The following ADGRL2 variants were observed in gnomAD, a reference collection of about 807,000 sequenced individuals.
The protein encoded by ADGRL2 is calcium-independent alpha-latrotoxin receptor 2.
A neutral mutation model predicts 157.4 loss-of-function variants in ADGRL2; 44 were observed. The ratio of observed to expected loss-of-function variants is 0.28; its 90% confidence interval spans 0.22 to 0.36. The LOEUF (loss-of-function observed/expected upper bound fraction) is 0.36, where lower values mean the gene tolerates loss of function less well. Among genes scored for constraint, ADGRL2 ranks in the 10% least tolerant of loss-of-function variants. The probability of loss-of-function intolerance (pLI) is 1.00; values close to 1 mark genes in which losing one functional copy is unlikely to be tolerated. For missense variants in ADGRL2, 1,510 were observed against 1,768.9 expected, an observed-to-expected ratio of 0.85 and a Z score of 2.63; for synonymous variants, 585 against 624.7, an observed-to-expected ratio of 0.94 and a Z score of 0.95.
intron 3 of ADGRL2, among the ~76,000 whole-genome samples, chr1:81,935,608 G>A (rs1030106447): frequency 2.0e-5 from 3 of 151,746 alleles, no homozygotes; most frequent in African/African-American, 7.2e-5. Context: ...TTATACTTCA[G>A]TATTTTATGT....
chr1:81,667,688 TA>T (rs1375489135), intron 3 of ADGRL2, among the ~76,000 whole-genome samples: 2 of 152,130 alleles, frequency 1.3e-5, no homozygotes, highest in Admixed American at 1.3e-4. Flanking sequence ...AAAGTAGGCA[TA>T]AAAAATTAAA....
At position 81,966,414 on chromosome 1, in the gene ADGRL2, G is replaced by A. The variant is rs1279210773; in HGVS notation, c.2154G>A (p.Lys718=). The A allele has an allele frequency of 5.0e-6, 8 of 1,613,832 alleles. No individual in the cohort carries two copies. Among genetic ancestry groups the A allele is most frequent in the Non-Finnish European group, 6.8e-6 (8 of 1,179,946 alleles). Residue 718 remains lysine (K), a synonymous_variant, in exon 13 of 24, where the codon AAG becomes AAA. Coordinates refer to ENST00000686636, the MANE Select transcript of ADGRL2 (RefSeq NM_001366006.2). ...TTTTTACCTTCCTAGGGCTTGCAAA[G>A]TTGGTGTTCATCATTTACCGGAGCC... The part of the protein sequence containing the change: ...VKQNSRNGLA[K]LVFIIYRSLG...
At chr1:81,899,816 T>A (rs2094456245) in intron 2 of ADGRL2, among the ~76,000 whole-genome samples, 1 of 152,170 alleles carries the variant, frequency 6.6e-6, no homozygotes, top group African/African-American at 2.4e-5. Flanking sequence ...GATTTCTTTA[T>A]GTTGATTATG....
intron 3 of ADGRL2, among the ~76,000 whole-genome samples, chr1:81,923,351 T>C (rs1266335140): frequency 6.6e-6 from 1 of 152,164 alleles, no homozygotes; most frequent in Non-Finnish European, 1.5e-5. Context: ...GTGAAATTTG[T>C]CATATATTTA....
At position 81,992,715 on chromosome 1, in the gene ADGRL2, G is replaced by A. The variant is rs1181604435; in HGVS notation, c.*1570G>A. On this transcript the variant is annotated 3_prime_UTR_variant, in exon 24 of 24. Transcript: ENST00000686636. Reference sequence around the variant, plus strand: ...ATTGGAAGTTCTGCCATCAAATTTGGGTATCATAAAAAGTTTTTAACTGAT... The same window carrying A: ...ATTGGAAGTTCTGCCATCAAATTTGAGTATCATAAAAAGTTTTTAACTGAT... 6.6e-6 allele frequency among the ~76,000 whole-genome samples: 1 copy of A among 151,746 alleles called. No individual in the cohort carries two copies. The highest frequency in any genetic ancestry group is 1.5e-5 in the Non-Finnish European group (1 of 67,948).
chr1:81,684,051 G>T (rs748512554), intron 3 of ADGRL2, among the ~76,000 whole-genome samples: 3 of 152,058 alleles, frequency 2.0e-5, no homozygotes, highest in Non-Finnish European at 2.9e-5. Context: ...TCCTGACCTC[G>T]TGATCCGCCT....
At chr1:81,861,594 CAATA>C (rs1459716230) in intron 2 of ADGRL2, among the ~76,000 whole-genome samples, 1 of 152,068 alleles carries the variant, frequency 6.6e-6, no homozygotes, top group African/African-American at 2.4e-5. Flanking sequence ...TGTTCTTTAT[CAATA>C]AACACATGGG....
intron 2 of ADGRL2, among the ~76,000 whole-genome samples, chr1:81,889,577 G>A (rs2094210764): frequency 1.3e-5 from 2 of 152,338 alleles, no homozygotes; most frequent in South Asian, 4.1e-4. Context: ...ATAGAAGTGG[G>A]AGGTAAAGCA....
intron 2 of ADGRL2, among the ~76,000 whole-genome samples, chr1:81,522,950 T>A (rs917758639): frequency 1.3e-5 from 2 of 152,180 alleles, no homozygotes; most frequent in Non-Finnish European, 2.9e-5. Flanking sequence ...AGAAGATATC[T>A]TTTTTATTTA....
At chr1:81,585,580 T>C (rs1027385072) in intron 3 of ADGRL2, among the ~76,000 whole-genome samples, 9 of 152,140 alleles carry the variant, frequency 5.9e-5, no homozygotes, top group African/African-American at 2.2e-4. Context: ...TTCGAACTTT[T>C]GGCCCTTCTA....
At chr1:81,616,757 A>C (rs1222597091) in intron 3 of ADGRL2, among the ~76,000 whole-genome samples, 1 of 143,284 alleles carries the variant, frequency 7.0e-6, no homozygotes, top group Admixed American at 7.5e-5. Flanking sequence ...GCTCACTGTA[A>C]CCTTTGCCTC....
At chr1:81,649,562 GT>G (rs2082373096) in intron 3 of ADGRL2, among the ~76,000 whole-genome samples, 1 of 152,078 alleles carries the variant, frequency 6.6e-6, no homozygotes, top group Admixed American at 6.6e-5. Flanking sequence ...GGAATATCTT[GT>G]TTCTTTTACT....
intron 2 of ADGRL2, among the ~76,000 whole-genome samples, chr1:81,462,338 T>C (rs2077954650): frequency 6.6e-6 from 1 of 152,196 alleles, no homozygotes; most frequent in Admixed American, 6.5e-5. Context: ...GGTTAGTTCT[T>C]TTGCTGTTTA....
chr1:81,944,988 A>T (rs767990594), intron 6 of ADGRL2, among the ~76,000 whole-genome samples: 1 of 152,102 alleles, frequency 6.6e-6, no homozygotes, highest in Non-Finnish European at 1.5e-5. Context: ...AATAACAATA[A>T]TGATCCACTG....
At position 81,991,352 on chromosome 1, in the gene ADGRL2, T is replaced by C. The variant is rs1347887008; in HGVS notation, c.*207T>C. The C allele has an allele frequency of 7.8e-6, 3 of 384,870 alleles. No homozygotes were observed. The highest frequency in any genetic ancestry group is 2.1e-5 in the African/African-American group (1 of 48,640). The allele number at this position is 384,870 out of a possible 1,614,324, so 23.8% of individuals were successfully genotyped here. A position where few individuals can be genotyped will look rare whatever the true frequency, so the allele number is the denominator to read the frequency against. Reference sequence around the variant, plus strand: ...TGTATATACACAGAGTATACTAAAGTGAATTATTTGTTACAAAGAAAAGAG... The same window carrying C: ...TGTATATACACAGAGTATACTAAAGCGAATTATTTGTTACAAAGAAAAGAG... On this transcript the variant is annotated 3_prime_UTR_variant, in exon 24 of 24. Coordinates refer to ENST00000686636, the MANE Select transcript of ADGRL2 (RefSeq NM_001366006.2).
chr1:81,423,699 G>T (rs990887395), intron 1 of ADGRL2, among the ~76,000 whole-genome samples: 1 of 152,114 alleles, frequency 6.6e-6, no homozygotes, highest in African/African-American at 2.4e-5. Context: ...AAATAATGAA[G>T]ATAGAAGCTT....
chr1:81,884,418 T>C (rs1455791345), intron 2 of ADGRL2, among the ~76,000 whole-genome samples: 1 of 152,208 alleles, frequency 6.6e-6, no homozygotes. Context: ...TTTTTTAAAC[T>C]AAACGTCTAC....
chr1:81,434,233 T>G (rs1317810245), intron 1 of ADGRL2, among the ~76,000 whole-genome samples: 1 of 152,198 alleles, frequency 6.6e-6, no homozygotes, highest in African/African-American at 2.4e-5. Context: ...ATTAACCACA[T>G]AGAGTTTTGT....
chr1:81,766,782 A>G (rs2086139158), intron 2 of ADGRL2, among the ~76,000 whole-genome samples: 1 of 144,154 alleles, frequency 6.9e-6, no homozygotes, highest in South Asian at 2.3e-4. Flanking sequence ...GTGAGCGGAG[A>G]TTGCACCATT....
Sources: allele counts gnomAD v4.1 joint callset (sites outside exome capture counted in the v4.1 genomes callset), GRCh38; gene constraint gnomAD v4.1.1; transcripts MANE v1.5; gene names NCBI Gene and HGNC (gene_info 2026-07-23, HGNC 2026-07-21).